CCDC68: variants seen among roughly 807,000 people sequenced by gnomAD.
The protein encoded by CCDC68 is coiled-coil domain-containing protein 68.
A neutral mutation model predicts 47.1 loss-of-function variants in CCDC68; 45 were observed. The ratio of observed to expected loss-of-function variants is 0.96; its 90% CI spans 0.75 to 1.23. The LOEUF is 1.23. CCDC68 is among the 50% of genes most tolerant of loss of function. The probability of loss-of-function intolerance (pLI) is 0.00; values close to 1 mark genes in which losing one functional copy is unlikely to be tolerated. For synonymous variants in CCDC68, 131 were observed against 129.5 expected, an observed-to-expected ratio of 1.01 and a Z score of -0.08; for missense variants, 353 against 373.6, an observed-to-expected ratio of 0.94 and a Z score of 0.45.
At chr18:54,917,604 T>C (rs2043977238) in intron 10 of CCDC68, among the ~76,000 whole-genome samples, 1 of 152,188 alleles carries the variant, frequency 6.6e-6, no homozygotes, top group South Asian at 2.1e-4. Context: ...GTCAGTCCTT[T>C]TTTCCATAGT....
At chr18:54,907,949 C>T (rs1914114228) in intron 10 of CCDC68, 87 bp from the exon 11 acceptor site, 1 of 777,968 alleles carries the variant, frequency 1.3e-6, no homozygotes, top group African/African-American at 1.7e-5. Flanking sequence ...CAACACCTGC[C>T]TCACTCGTTG....
At chr18:54,936,245 AGTT>A in intron 6 of CCDC68, among the ~76,000 whole-genome samples, 1 of 144,708 alleles carries the variant, frequency 6.9e-6, no homozygotes, top group East Asian at 2.0e-4. Flanking sequence ...AAAAATATAT[AGTT>A]ATATATATTT....
At chr18:54,919,195 C>T in intron 9 of CCDC68, 76 bp downstream of exon 9, 1 of 1,111,388 alleles carries the variant, frequency 9.0e-7, no homozygotes. Context: ...TTCAAAAGTC[C>T]AGTCAAGCCA....
At chr18:54,919,217 G>T in intron 9 of CCDC68, 54 bp downstream of exon 9, 2 of 1,364,916 alleles carry the variant, frequency 1.5e-6, no homozygotes, top group Non-Finnish European at 1.0e-6. Context: ...TCGTATTTGG[G>T]CTCCACGCTG....
In CCDC68 at chr18:54,908,388, T is replaced by C. The variant is rs375181642; in HGVS notation, c.874-526A>G. On this transcript the variant is annotated intron_variant, in intron 10 of 11. Transcript: ENST00000591504. Reference sequence around the variant, plus strand: ...TAAATGATACATGTCCTGCCTACTTTGTGTAAGTTGTTGGAAGAAACAAGT... The same window carrying C: ...TAAATGATACATGTCCTGCCTACTTCGTGTAAGTTGTTGGAAGAAACAAGT... Among the ~76,000 whole-genome samples the C allele has an allele frequency of 6.6e-5, 10 of 152,230 alleles. No individual in the cohort carries two copies. In the East Asian group the frequency reaches 1.3e-3, roughly 20 times the overall value.
At chr18:54,933,067 T>C (rs8094036) in intron 7 of CCDC68, among the ~76,000 whole-genome samples, 34,683 of 152,064 alleles carry the variant, frequency 0.23, 4,396 homozygotes, top group African/African-American at 0.35. Context: ...TACTAGGAAA[T>C]AGAAATTATC....
intron 5 of CCDC68, 190 bp from the exon 6 acceptor site, chr18:54,937,148 A>G (rs921256942): frequency 1.4e-5 from 8 of 577,122 alleles, no homozygotes; most frequent in Non-Finnish European, 2.4e-5. Context: ...CCCTATTTAG[A>G]GGGGCTGTTG....
chr18:54,906,032 T>G (rs760416499), intron 11 of CCDC68, among the ~76,000 whole-genome samples: 12 of 151,418 alleles, frequency 7.9e-5, no homozygotes, highest in Non-Finnish European at 1.6e-4. Context: ...AACTCAGGGC[T>G]CCCACTGATT....
At chr18:54,953,559 G>GAT (rs2044658073) in intron 1 of CCDC68, among the ~76,000 whole-genome samples, 1 of 151,480 alleles carries the variant, frequency 6.6e-6, no homozygotes, top group Non-Finnish European at 1.5e-5. Context: ...TATAGAGAGA[G>GAT]AGAGATACAT....
chr18:54,956,142 A>T lies in CCDC68; in HGVS notation c.-103+3194T>A, dbSNP rs144108980. Reference sequence around the variant, plus strand: ...GTAGCTGGAATTACAGGCGCATGCCACCACGCCCAGGTGATTTTTGTATTT... The same window carrying T: ...GTAGCTGGAATTACAGGCGCATGCCTCCACGCCCAGGTGATTTTTGTATTT... On this transcript the variant is annotated intron_variant, in intron 1 of 11. Coordinates refer to ENST00000591504, the MANE Select transcript of CCDC68 (RefSeq NM_025214.3). 4.8e-3 allele frequency among the ~76,000 whole-genome samples: 736 copies of T among 152,192 alleles called. 15 individuals carry two copies. Among genetic ancestry groups the T allele is most frequent in the African/African-American group, 0.016 (684 of 41,510 alleles).
rs1913746518 is a variant in CCDC68 at position 54,902,580 on chromosome 18, C to T, written c.*1778G>A. The T allele has an allele frequency of 1.3e-5, 2 of 152,144 alleles. No homozygotes were observed. The highest frequency in any genetic ancestry group is 2.9e-5 in the Non-Finnish European group (2 of 68,028). 9.4% of individuals were successfully genotyped at this position (152,144 alleles called of 1,614,324 possible). ...TTTTTAGCAGGGAAGTTTGTCTGAACTGAGTTCTCACAATGGTAGTCCAGC... is the reference window on the plus strand; with the variant it reads ...TTTTTAGCAGGGAAGTTTGTCTGAATTGAGTTCTCACAATGGTAGTCCAGC... On this transcript the variant is annotated 3_prime_UTR_variant, in exon 12 of 12. Coordinates refer to ENST00000591504, the MANE Select transcript of CCDC68 (RefSeq NM_025214.3).
chr18:54,913,388 T>C (rs1914478374), intron 10 of CCDC68, among the ~76,000 whole-genome samples: 1 of 152,222 alleles, frequency 6.6e-6, no homozygotes, highest in African/African-American at 2.4e-5. Flanking sequence ...CCTGTTATTT[T>C]AGGAATTCCA....
intron 10 of CCDC68, among the ~76,000 whole-genome samples, chr18:54,913,959 C>T (rs1255628570): frequency 6.6e-6 from 1 of 152,170 alleles, no homozygotes; most frequent in African/African-American, 2.4e-5. Context: ...CTGTGACTCC[C>T]CACACTCTTC....
chr18:54,941,104 C>T, intron 3 of CCDC68, 21 bp from the exon 4 acceptor site: 2 of 1,571,556 alleles, frequency 1.3e-6, no homozygotes, highest in African/African-American at 1.4e-5. Context: ...AAAACAAAAC[C>T]ATTTGTTTCA....
Position 54,903,216 on chromosome 18 carries a change from T to TA in CCDC68, c.*1141dup, listed in dbSNP as rs1248723663. ...TCAGCATCTTTTCTGAGCAAATATT[T>TA]AAAGTTATACACTAGAGAGGAAGAT... On this transcript the variant is annotated 3_prime_UTR_variant, in exon 12 of 12. Transcript: ENST00000591504. 1 of 152,188 alleles carries TA rather than the reference T, an allele frequency of 6.6e-6. No homozygotes were observed. Among genetic ancestry groups the TA allele is most frequent in the South Asian group, 2.1e-4 (1 of 4,828 alleles). 9.4% of individuals were successfully genotyped at this position (152,188 alleles called of 1,614,324 possible).
chr18:54,942,596 G>T, intron 3 of CCDC68, 79 bp downstream of exon 3: 1 of 866,302 alleles, frequency 1.2e-6, no homozygotes, highest in Non-Finnish European at 1.9e-6. Context: ...TATGGAGAGG[G>T]AAACAAAATC....
At position 54,938,045 on chromosome 18, in the gene CCDC68, C is replaced by T. The variant is rs138063888; in HGVS notation, c.257G>A (p.Cys86Tyr). ...GSDSEMDPSC[C>Y]SLDLLMKKIK... is the part of the protein sequence containing the mutation. Reference sequence around the variant, plus strand: ...CTTTTTCATAAGCAAATCCAAACTGCAACAAGAAGGATCCATTTCAGAATC... The same window carrying T: ...CTTTTTCATAAGCAAATCCAAACTGTAACAAGAAGGATCCATTTCAGAATC... Residue 86 changes from cysteine (C) to tyrosine (Y), a missense_variant, in exon 5 of 12, where the codon TGC becomes TAC. Cys to Tyr is a radical substitution (Grantham distance 194). Transcript: ENST00000591504. The T allele has an allele frequency of 6.8e-6, 11 of 1,613,816 alleles. No individual in the cohort carries two copies. The African/African-American group carries it at 1.5e-4, about 22-fold the overall frequency.
intron 1 of CCDC68, among the ~76,000 whole-genome samples, chr18:54,949,333 A>G (rs9956808): frequency 0.34 from 51,038 of 152,188 alleles, 9,392 homozygotes; most frequent in East Asian, 0.59. Context: ...GGCACATAGC[A>G]AAGTCTACCA....
chr18:54,958,093 A>T (rs1307188462), intron 1 of CCDC68: 1 of 152,266 alleles, frequency 6.6e-6, no homozygotes, highest in Non-Finnish European at 1.5e-5. Context: ...CAAGGGATCA[A>T]TTTATTTTGT....
Sources: gnomAD v4.1 joint callset for allele counts (sites outside exome capture counted in the v4.1 genomes callset) on GRCh38, gnomAD v4.1.1 for gene constraint, MANE v1.5 for transcripts, NCBI Gene and HGNC (gene_info 2026-07-23, HGNC 2026-07-21) for gene names.